The following TMEM269 variants were observed in gnomAD, a reference collection of about 807,000 sequenced individuals.
TMEM269 encodes the protein transmembrane protein 269.
In TMEM269, 12 loss-of-function variants were observed where a neutral mutation model predicts 15.8. That is an observed-to-expected ratio of 0.76 (90% CI 0.49 to 1.23). TMEM269 has a LOEUF of 1.23. TMEM269 is among the 50% of genes most tolerant of loss of function. The pLI is 0.00. For synonymous variants in TMEM269, 93 were observed against 99.3 expected (o/e 0.94, Z 0.38); for missense variants, 211 against 245.4 (o/e 0.86, Z 0.94).
rs1342405463 is a variant in TMEM269, at chr1:42,797,099, T to C, written c.485-999T>C. On this transcript the variant is annotated intron_variant, in intron 5 of 5. Coordinates refer to ENST00000637012, the MANE Select transcript of TMEM269 (RefSeq NM_001354602.2). The surrounding 1 kb of genome is among the most constrained non-coding windows in gnomAD (Gnocchi z 4.9). Reference sequence around the variant, plus strand: ...AAAAAAATGTACACATCTAGCAGAATGTCTAGTGCAAAATAGATATTCCAC... The same window carrying C: ...AAAAAAATGTACACATCTAGCAGAACGTCTAGTGCAAAATAGATATTCCAC... Among the ~76,000 whole-genome samples, 1 of 152,172 alleles carries C rather than the reference T, an allele frequency of 6.6e-6. No individual in the cohort carries two copies. Among genetic ancestry groups the C allele is most frequent in the Non-Finnish European group, 1.5e-5 (1 of 68,034 alleles).
chr1:42,789,885 C>T lies in TMEM269; in HGVS notation c.-9C>T. On this transcript the variant is annotated 5_prime_UTR_variant, in exon 2 of 6. Coordinates refer to ENST00000637012, the MANE Select transcript of TMEM269 (RefSeq NM_001354602.2). ...GAAGGATGTTACCAGTGCCTTATCTCTGGCCAACATGGTGCTGGGGCTCTT... is the reference window on the plus strand; with the variant it reads ...GAAGGATGTTACCAGTGCCTTATCTTTGGCCAACATGGTGCTGGGGCTCTT... 6.4e-7 allele frequency: 1 copy of T among 1,550,840 alleles called. No homozygotes were observed. The highest frequency in any genetic ancestry group is 8.7e-7 in the Non-Finnish European group (1 of 1,147,066).
Position 42,797,933 on chromosome 1 carries a change from T to G in TMEM269, c.485-165T>G, listed in dbSNP as rs1361434735. 3.9e-6 allele frequency: 3 copies of G among 763,312 alleles called. No individual in the cohort carries two copies. In the South Asian group the frequency reaches 4.5e-5, roughly 11 times the overall value. The allele number at this position is 763,312 out of a possible 1,614,324, so 47.3% of individuals were successfully genotyped here. A position where few individuals can be genotyped will look rare whatever the true frequency, so the allele number is the denominator to read the frequency against. ...ACTTCTCTAGTTACTTACCTATCTCTATTAAACTGAACTTGAAGACAGGGC... is the reference window on the plus strand; with the variant it reads ...ACTTCTCTAGTTACTTACCTATCTCGATTAAACTGAACTTGAAGACAGGGC... On this transcript the variant is annotated intron_variant, in intron 5 of 5. Transcript: ENST00000637012. This position sits in a 1 kb window ranked among gnomAD's most constrained non-coding sequence, Gnocchi z 4.9.
intron 4 of TMEM269, 63 bp downstream of exon 4, chr1:42,793,807 G>A (rs2124220400): frequency 6.7e-7 from 1 of 1,496,340 alleles, no homozygotes; most frequent in Middle Eastern, 1.8e-4. Flanking sequence ...GGGGCTGTCG[G>A]GTGCCAGAAG....
chr1:42,794,504 C>T lies in TMEM269; in HGVS notation c.375C>T (p.Ile125=), dbSNP rs961660602. The T allele has an allele frequency of 6.4e-7, 1 of 1,550,596 alleles. No individual in the cohort carries two copies. The highest frequency in any genetic ancestry group is 2.0e-5 in the Admixed American group (1 of 51,012). Residue 125 remains isoleucine, a synonymous_variant, in exon 5 of 6, where the codon ATC becomes ATT. Coordinates refer to ENST00000637012, the MANE Select transcript of TMEM269 (RefSeq NM_001354602.2). ...TSLLTKGNRF[I]LCCMASLMIL... ...TTCTGACCAAAGGCAACAGGTTCATCCTCTGCTGCATGGCCTCACTCATGA... is the reference window on the plus strand; with the variant it reads ...TTCTGACCAAAGGCAACAGGTTCATTCTCTGCTGCATGGCCTCACTCATGA...
At chr1:42,795,055 G>C (rs1268677286) in intron 5 of TMEM269, among the ~76,000 whole-genome samples, 1 of 152,178 alleles carries the variant, frequency 6.6e-6, no homozygotes, top group African/African-American at 2.4e-5. Flanking sequence ...TAGGTTTACT[G>C]TATGTATTAT....
intron 1 of TMEM269, among the ~76,000 whole-genome samples, chr1:42,786,926 G>A (rs904687293): frequency 6.6e-6 from 1 of 152,184 alleles, no homozygotes; most frequent in Admixed American, 6.5e-5. Flanking sequence ...AACTGGGAAA[G>A]AGGAGACTCA....
At chr1:42,789,382 T>G in intron 1 of TMEM269, 1 of 1,485,430 alleles carries the variant, frequency 6.7e-7, no homozygotes, top group Non-Finnish European at 9.1e-7. Context: ...TTCCTGGCAC[T>G]ACTTCTCTCT....
chr1:42,797,653 T>C lies in TMEM269; in HGVS notation c.485-445T>C, dbSNP rs1412231249. On this transcript the variant is annotated intron_variant, in intron 5 of 5. Coordinates refer to ENST00000637012, the MANE Select transcript of TMEM269 (RefSeq NM_001354602.2). The surrounding 1 kb of genome is among the most constrained non-coding windows in gnomAD (Gnocchi z 4.9). ...CCAGCCATCAGCCAAGGGCCAGCCT[T>C]GCAAGAAGGCCTTTCTGAGGATAGC... Among the ~76,000 whole-genome samples, 1 of 152,242 alleles carries C rather than the reference T, an allele frequency of 6.6e-6. No individual in the cohort carries two copies. Among genetic ancestry groups the C allele is most frequent in the African/African-American group, 2.4e-5 (1 of 41,454 alleles).
At chr1:42,792,113 T>A (rs1044028164) in intron 2 of TMEM269, among the ~76,000 whole-genome samples, 7 of 151,936 alleles carry the variant, frequency 4.6e-5, no homozygotes, top group Non-Finnish European at 1.0e-4. Context: ...ATAAAATCAG[T>A]AAACCTCTAG....
intron 4 of TMEM269, 68 bp downstream of exon 4, chr1:42,793,812 C>G: frequency 6.7e-7 from 1 of 1,493,168 alleles, no homozygotes; most frequent in South Asian, 1.3e-5. Context: ...TGTCGGGTGC[C>G]AGAAGCCTGG....
chr1:42,797,899 T>C lies in TMEM269; in HGVS notation c.485-199T>C, dbSNP rs1653814884. 1 of 692,512 alleles carries C rather than the reference T, an allele frequency of 1.4e-6. No individual in the cohort carries two copies. Among genetic ancestry groups the C allele is most frequent in the Non-Finnish European group, 2.7e-6 (1 of 371,390 alleles). The allele number at this position is 692,512 out of a possible 1,614,324, so 42.9% of individuals were successfully genotyped here. A position where few individuals can be genotyped will look rare whatever the true frequency, so the allele number is the denominator to read the frequency against. On this transcript the variant is annotated intron_variant, in intron 5 of 5. Transcript: ENST00000637012. This position sits in a 1 kb window ranked among gnomAD's most constrained non-coding sequence, Gnocchi z 4.9. ...TGACACAGTGGAACCTGAGACTGCA[T>C]TGGGCTATACTTCTCTAGTTACTTA...
rs1328908894 is a variant in TMEM269, at chr1:42,800,791, T to C, written c.*2566T>C. The C allele has an allele frequency of 6.6e-6, 1 of 151,908 alleles. No homozygotes were observed. The highest frequency in any genetic ancestry group is 1.5e-5 in the Non-Finnish European group (1 of 68,014). The allele number at this position is 151,908 out of a possible 1,614,324, so 9.4% of individuals were successfully genotyped here. On this transcript the variant is annotated 3_prime_UTR_variant, in exon 6 of 6. Coordinates refer to ENST00000637012, the MANE Select transcript of TMEM269 (RefSeq NM_001354602.2). ...AGAATAATGAATGGCACGTAAAATATGTTAAATAAATGTTAGATGGCTTTC... is the reference window on the plus strand; with the variant it reads ...AGAATAATGAATGGCACGTAAAATACGTTAAATAAATGTTAGATGGCTTTC...
intron 1 of TMEM269, among the ~76,000 whole-genome samples, chr1:42,787,367 G>A (rs1015446319): frequency 2.6e-5 from 4 of 151,768 alleles, no homozygotes; most frequent in Non-Finnish European, 5.9e-5. Flanking sequence ...TTGGGAGGCC[G>A]AGGCGGGTGG....
chr1:42,796,344 C>A (rs1327521164), intron 5 of TMEM269, among the ~76,000 whole-genome samples: 1 of 152,104 alleles, frequency 6.6e-6, no homozygotes, highest in Non-Finnish European at 1.5e-5. Context: ...AGGGAGGAAA[C>A]TGCACCTTAC....
rs1653839532 is a variant in TMEM269 at position 42,798,850 on chromosome 1, TCTC to T, written c.*628_*630del. The T allele has an allele frequency of 6.8e-6, 1 of 146,754 alleles. No homozygotes were observed. Among genetic ancestry groups the T allele is most frequent in the Non-Finnish European group, 1.5e-5 (1 of 66,922 alleles). 9.1% of individuals were successfully genotyped at this position (146,754 alleles called of 1,614,324 possible). A position where few individuals can be genotyped will look rare whatever the true frequency, so the allele number is the denominator to read the frequency against. On this transcript the variant is annotated 3_prime_UTR_variant, in exon 6 of 6. Coordinates refer to ENST00000637012, the MANE Select transcript of TMEM269 (RefSeq NM_001354602.2). Reference sequence around the variant, plus strand: ...CTCCGCCCCCCGGGATTCACGCCATTCTCCTGCCTCAGCCTCCCGCGTAGCTGG... The same window carrying T: ...CTCCGCCCCCCGGGATTCACGCCATTCTGCCTCAGCCTCCCGCGTAGCTGG...
rs1272924346 is a variant in TMEM269 at position 42,798,123 on chromosome 1, A to G, written c.510A>G (p.Pro170=). The G allele has an allele frequency of 6.4e-7, 1 of 1,550,882 alleles. No homozygotes were observed. Among genetic ancestry groups the G allele is most frequent in the Non-Finnish European group, 8.7e-7 (1 of 1,147,124 alleles). Residue 170 remains proline, a synonymous_variant, in exon 6 of 6, where the codon CCA becomes CCG. Transcript: ENST00000637012. ...GTGTCATCATGCTGTTTTTCTCCCC[A>G]TTGTCTCTGTCTGCTTTTTACTGCC... ...IGGVIMLFFS[P]LSLSAFYCLM... is the part of the protein sequence containing the mutation.
intron 4 of TMEM269, 100 bp downstream of exon 4, chr1:42,793,844 T>C: frequency 7.4e-7 from 1 of 1,350,264 alleles, no homozygotes; most frequent in Admixed American, 2.6e-5. Flanking sequence ...TGACTCCTTT[T>C]TTGGAGCTCC....
Position 42,792,895 on chromosome 1 carries a change from C to G in TMEM269, c.132C>G (p.Ser44=). 1.3e-6 allele frequency: 2 copies of G among 1,550,450 alleles called. No homozygotes were observed. The highest frequency in any genetic ancestry group is 1.7e-6 in the Non-Finnish European group (2 of 1,146,886). Residue 44 remains serine (S), a synonymous_variant, in exon 3 of 6, where the codon TCC becomes TCG. Transcript: ENST00000637012. ...RAMTSHINIC[S]KLGAELNDFA... ...TGACCAGCCACATCAACATATGCTC[C>G]AAATTGGGTGAGTTCAGGCCCCAGG...
chr1:42,786,458 G>A (rs766407443), intron 1 of TMEM269, among the ~76,000 whole-genome samples: 1 of 152,214 alleles, frequency 6.6e-6, no homozygotes, highest in Non-Finnish European at 1.5e-5. Context: ...CCCAACCCAA[G>A]TCCAAAGGGA....
Sources: gnomAD v4.1 joint callset for allele counts (sites outside exome capture counted in the v4.1 genomes callset) on GRCh38, gnomAD v4.1.1 for gene constraint, Gnocchi (gnomAD v3.1) non-coding constraint, MANE v1.5 for transcripts, NCBI Gene and HGNC (gene_info 2026-07-23, HGNC 2026-07-21) for gene names.